The following CPNE1 variants were observed in gnomAD, a reference collection of about 807,000 sequenced individuals.
CPNE1 encodes copine-1.
CPNE1 carries 58 observed loss-of-function variants against 63.2 expected under a neutral mutation model. The observed-to-expected ratio is 0.92, with a 90% CI of 0.74 to 1.14. CPNE1 has a LOEUF of 1.14. Ranked by LOEUF, CPNE1 falls within the 50% of genes most tolerant of loss-of-function variation. CPNE1 has a pLI of 0.00. For missense variants in CPNE1, 672 were observed against 661.7 expected (o/e 1.02, Z -0.17); for synonymous variants, 237 against 249.0 (o/e 0.95, Z 0.45).
chr20:35,632,136 A>C (rs373905955), intron 5 of CPNE1, 27 bp downstream of exon 5: 26 of 1,612,270 alleles, frequency 1.6e-5, no homozygotes, highest in African/African-American at 2.7e-5. Flanking sequence ...TAACTCTTGG[A>C]TTACCAGGGC....
At chr20:35,649,792 T>A (rs979927074) in intron 1 of CPNE1, 5 of 151,364 alleles carry the variant, frequency 3.3e-5, no homozygotes. Context: ...GGAAAAAAAA[T>A]TAAATCTAAT....
intron 1 of CPNE1, chr20:35,650,065 A>C (rs538156599): frequency 6.5e-6 from 1 of 152,738 alleles, no homozygotes; most frequent in African/African-American, 2.4e-5. Context: ...TTAAAAACTG[A>C]AACTCCAATG....
At chr20:35,658,853 A>G (rs1006339600) in intron 1 of CPNE1, 3 of 695,896 alleles carry the variant, frequency 4.3e-6, no homozygotes, top group Non-Finnish European at 8.0e-6. Context: ...TAGTTGCTAC[A>G]TATATTTTCA....
At chr20:35,639,397 C>T (rs555396509) in intron 1 of CPNE1, among the ~76,000 whole-genome samples, 1 of 152,170 alleles carries the variant, frequency 6.6e-6, no homozygotes, top group African/African-American at 2.4e-5. Flanking sequence ...AGTGCAATGG[C>T]ACCATCTCGG....
intron 1 of CPNE1, among the ~76,000 whole-genome samples, chr20:35,641,483 A>T (rs556466809): frequency 2.0e-5 from 3 of 152,350 alleles, no homozygotes; most frequent in Non-Finnish European, 2.9e-5. Context: ...AATTGATGTC[A>T]TATCTATATA....
At chr20:35,660,862 T>C (rs1032890717) in intron 1 of CPNE1, among the ~76,000 whole-genome samples, 1 of 152,194 alleles carries the variant, frequency 6.6e-6, no homozygotes, top group African/African-American at 2.4e-5. Context: ...TATGTCTATC[T>C]TGAGAAGGAC....
At chr20:35,641,332 CCT>C (rs2032792917) in intron 1 of CPNE1, among the ~76,000 whole-genome samples, 1 of 152,116 alleles carries the variant, frequency 6.6e-6, no homozygotes, top group African/African-American at 2.4e-5. Flanking sequence ...AGACTTTTTT[CCT>C]CTCTTTGAAA....
intron 1 of CPNE1, among the ~76,000 whole-genome samples, chr20:35,641,893 T>C (rs1477128621): frequency 1.3e-5 from 2 of 152,240 alleles, no homozygotes; most frequent in Non-Finnish European, 1.5e-5. Context: ...TCTGCAGCAG[T>C]GTGCTGGCGC....
At chr20:35,628,284 CAAAAAAT>C (rs1369722571) in intron 13 of CPNE1, among the ~76,000 whole-genome samples, 29 of 143,376 alleles carry the variant, frequency 2.0e-4, no homozygotes, top group Admixed American at 3.5e-4. Flanking sequence ...GACTCCATCT[CAAAAAAT>C]AAAAAATAAA....
At chr20:35,658,843 T>C (rs571177026) in intron 1 of CPNE1, 2 of 670,706 alleles carry the variant, frequency 3.0e-6, no homozygotes, top group South Asian at 1.6e-5. Context: ...ACACACAATA[T>C]AGTTGCTACA....
chr20:35,646,836 C>T (rs1249612569), intron 1 of CPNE1, among the ~76,000 whole-genome samples: 1 of 152,126 alleles, frequency 6.6e-6, no homozygotes, highest in Non-Finnish European at 1.5e-5. Flanking sequence ...TAGTCATCTC[C>T]TATCATGAAA....
intron 13 of CPNE1, among the ~76,000 whole-genome samples, chr20:35,629,137 CAA>C (rs1305372701): frequency 5.3e-5 from 8 of 152,154 alleles, no homozygotes; most frequent in African/African-American, 1.9e-4. Flanking sequence ...AAAGAGAAAA[CAA>C]ATGTGGTAAA....
chr20:35,649,499 G>A (rs1417538090), intron 1 of CPNE1: 3 of 152,454 alleles, frequency 2.0e-5, no homozygotes, highest in Non-Finnish European at 2.9e-5. Flanking sequence ...TTTCCTAATC[G>A]AATTTTCATT....
chr20:35,632,540 C>G lies in CPNE1; in HGVS notation c.286G>C (p.Gly96Arg), dbSNP rs574748992. The G allele has an allele frequency of 6.4e-5, 104 of 1,613,654 alleles. 1 individual carries two copies. In the Middle Eastern group the frequency reaches 2.1e-3, roughly 33 times the overall value. The change falls in exon 3 of 16, where the codon GGT becomes CGT. Residue 96 changes from glycine (G) to arginine (R), a missense_variant. Coordinates refer to ENST00000397443, the MANE Select transcript of CPNE1 (RefSeq NM_152925.3). ...PELRDDDFLGGAECSLGQIVS... is the reference protein window; with the variant it reads ...PELRDDDFLGRAECSLGQIVS... ...ACCTGTCCTAGGGAACACTCAGCAC[C>G]CCCTAGGAAGTCATCATCCCTCAGC...
At chr20:35,648,666 C>T (rs1343840475) in intron 1 of CPNE1, among the ~76,000 whole-genome samples, 6 of 152,204 alleles carry the variant, frequency 3.9e-5, no homozygotes, top group African/African-American at 1.4e-4. Context: ...CATTTAAGGG[C>T]TTTGTTTGCC....
intron 1 of CPNE1, among the ~76,000 whole-genome samples, chr20:35,636,012 T>C (rs1022386841): frequency 2.6e-5 from 4 of 152,242 alleles, no homozygotes; most frequent in African/African-American, 9.6e-5. Flanking sequence ...GTGGAATTCT[T>C]ACTTCTACCT....
chr20:35,660,648 GA>G (rs1481481777), intron 1 of CPNE1, among the ~76,000 whole-genome samples: 1 of 152,196 alleles, frequency 6.6e-6, no homozygotes, highest in Non-Finnish European at 1.5e-5. Context: ...GCAAGAGCAT[GA>G]AGTACTGTAA....
chr20:35,637,743 A>G (rs927273080), intron 1 of CPNE1, among the ~76,000 whole-genome samples: 3 of 152,204 alleles, frequency 2.0e-5, no homozygotes, highest in African/African-American at 7.2e-5. Context: ...ATGCCTTTCC[A>G]AAACACTTAA....
At chr20:35,652,677 G>C (rs754431598) in intron 1 of CPNE1, 1 of 1,614,130 alleles carries the variant, frequency 6.2e-7, no homozygotes, top group Non-Finnish European at 8.5e-7. Context: ...CTGAGCCTGG[G>C]ATTACTTGAT....
Sources: allele counts gnomAD v4.1 joint callset (sites outside exome capture counted in the v4.1 genomes callset), GRCh38; gene constraint gnomAD v4.1.1; transcripts MANE v1.5; gene names NCBI Gene and HGNC (gene_info 2026-07-23, HGNC 2026-07-21).